Variants in TUBB8B observed in about 807,000 individuals in gnomAD.
The protein encoded by TUBB8B is HSA18p11 beta-tubulin 4Q pseudogene.
Under a neutral mutation model 31.9 loss-of-function variants are expected in TUBB8B, and 26 were observed. The observed-to-expected ratio is 0.81, with a 90% CI of 0.60 to 1.13. The LOEUF (loss-of-function observed/expected upper bound fraction) is 1.13, where lower values mean the gene tolerates loss of function less well. TUBB8B is among the 50% of genes most tolerant of loss of function. The pLI is 0.00. For missense variants in TUBB8B, 467 were observed against 586.7 expected, an observed-to-expected ratio of 0.80 and a Z score of 2.11; for synonymous variants, 173 against 231.0, an observed-to-expected ratio of 0.75 and a Z score of 2.28.
the TUBB8B span, among the ~76,000 whole-genome samples, chr18:72,009 T>C: frequency 1.3e-5 from 2 of 151,696 alleles, no homozygotes; most frequent in Non-Finnish European, 2.9e-5. Context: ...AAACCCCATC[T>C]CTACTAAAAA....
the TUBB8B span, among the ~76,000 whole-genome samples, chr18:70,589 C>G: frequency 6.6e-6 from 1 of 152,132 alleles, no homozygotes; most frequent in Admixed American, 6.5e-5. Flanking sequence ...GAGCGGAGAT[C>G]GCGCCACTAC....
At position 47,850 on chromosome 18, in the gene TUBB8B, T is replaced by C. The variant is rs1262182994; in HGVS notation, c.875A>G (p.Gln292Arg). 1.2e-6 allele frequency: 2 copies of C among 1,611,322 alleles called. No homozygotes were observed. Among genetic ancestry groups the C allele is most frequent in the Non-Finnish European group, 1.7e-6 (2 of 1,179,420 alleles). The stretch of plus-strand genomic sequence containing the variant: ...CATCATGTTCTTAGCATCAAACATC[T>C]GCTGGGTGAGCTCAGCCACAGTCAA... ...RALTVAELTQQMFDAKNMMAA... is the reference protein window; with the variant it reads ...RALTVAELTQRMFDAKNMMAA... The change falls in exon 4 of 4, where the codon CAG becomes CGG. Residue 292 changes from glutamine (Q) to arginine (R), a missense_variant. This residue lies in a region of TUBB8B where 208 missense variants were observed against 206.7 expected (regional missense o/e 1.01). Transcript: ENST00000308911.
At chr18:65,297 G>A in the TUBB8B span, among the ~76,000 whole-genome samples, 3 of 151,846 alleles carry the variant, frequency 2.0e-5, no homozygotes, top group Admixed American at 1.3e-4. Context: ...GTGAGACTCT[G>A]TCTCAAAAAA....
At chr18:52,250 G>A (rs1452638208), upstream of TUBB8B, among the ~76,000 whole-genome samples, 1 of 151,938 alleles carries the variant, frequency 6.6e-6, no homozygotes, top group Non-Finnish European at 1.5e-5. Context: ...TAAACTGTTT[G>A]GGGCCTCTTT....
chr18:70,496 C>T, the TUBB8B span, among the ~76,000 whole-genome samples: 15 of 152,044 alleles, frequency 9.9e-5, no homozygotes, highest in African/African-American at 3.6e-4. Context: ...ATTACCCAGG[C>T]ATCATGGCGC....
chr18:47,612 A>T lies in TUBB8B; in HGVS notation c.1113T>A (p.Asn371Lys), dbSNP rs1905686366. The T allele has an allele frequency of 1.9e-6, 3 of 1,612,560 alleles. No homozygotes were observed. The highest frequency in any genetic ancestry group is 2.5e-6 in the Non-Finnish European group (3 of 1,179,228). ...ATGTGAAGAGTTCCTGGATGGCCGC[A>T]TTATTCCCAATGAAGGTGGCTGACA... is the stretch of plus-strand genomic sequence containing the variant. ...LKMSATFIGNNAAIQELFTCV... is the reference protein window; with the variant it reads ...LKMSATFIGNKAAIQELFTCV... Residue 371 changes from asparagine (N) to lysine (K), a missense_variant, in exon 4 of 4, where the codon AAT becomes AAA. Around this residue, in one of 2 missense-constraint regions of TUBB8B, gnomAD observed 208 missense variants for 206.7 expected, o/e 1.01. Coordinates refer to ENST00000308911, the MANE Select transcript of TUBB8B (RefSeq NM_001358689.2).
chr18:48,594 A>G, intron 3 of TUBB8B, 147 bp from the exon 4 acceptor site: 1 of 728,056 alleles, frequency 1.4e-6, no homozygotes, highest in South Asian at 1.6e-5. Context: ...CCTCCTCCAG[A>G]GTTACAGGAC....
the TUBB8B span, among the ~76,000 whole-genome samples, chr18:72,168 A>G: frequency 7.2e-6 from 1 of 138,144 alleles, no homozygotes; most frequent in African/African-American, 2.8e-5. Flanking sequence ...ACAGAGCGAG[A>G]CTCCATCTCA....
upstream of TUBB8B, chr18:49,750 G>T (rs1211738004): frequency 4.4e-6 from 3 of 680,014 alleles, no homozygotes; most frequent in Non-Finnish European, 8.1e-6. Flanking sequence ...GGCGTTGAAC[G>T]TCTGTTGGAG....
chr18:49,723 C>G (rs1478052316), upstream of TUBB8B: 6 of 696,172 alleles, frequency 8.6e-6, no homozygotes, highest in East Asian at 1.7e-4. Flanking sequence ...ACAGGTGCAC[C>G]CACCTGTGAA....
upstream of TUBB8B, chr18:49,843 A>G (rs560942717): frequency 6.9e-6 from 4 of 577,418 alleles, no homozygotes; most frequent in East Asian, 1.8e-4. Context: ...CTTTAGTAAG[A>G]CTAGATCCCT....
the TUBB8B span, among the ~76,000 whole-genome samples, chr18:62,811 G>A: frequency 1.3e-5 from 2 of 151,682 alleles, no homozygotes; most frequent in African/African-American, 4.8e-5. Flanking sequence ...TTTAGATTCT[G>A]TAGGCATGCT....
chr18:52,884 G>GAA (rs764614133), upstream of TUBB8B, among the ~76,000 whole-genome samples: 1 of 149,686 alleles, frequency 6.7e-6, no homozygotes, highest in Non-Finnish European at 1.5e-5. Context: ...ACTATAAAGA[G>GAA]AAAGAGTTAT....
At chr18:51,969 G>A (rs11660348), upstream of TUBB8B, among the ~76,000 whole-genome samples, 104 of 148,292 alleles carry the variant, frequency 7.0e-4, no homozygotes, top group Admixed American at 1.4e-3. Context: ...ACTCTGACAG[G>A]CAAGTAGATG....
At chr18:66,007 T>A in the TUBB8B span, among the ~76,000 whole-genome samples, 1 of 152,084 alleles carries the variant, frequency 6.6e-6, no homozygotes, top group African/African-American at 2.4e-5. Flanking sequence ...GGTGGGAAGA[T>A]CTTTTGAACC....
chr18:61,731 A>G, the TUBB8B span, among the ~76,000 whole-genome samples: 3 of 151,378 alleles, frequency 2.0e-5, no homozygotes, highest in African/African-American at 7.3e-5. Flanking sequence ...CAACTAATAA[A>G]AACTCTACAC....
In TUBB8B at chr18:48,151, G is replaced by T. The variant is rs1178937583; in HGVS notation, c.574C>A (p.Leu192Ile). 6.2e-7 allele frequency: 1 copy of T among 1,614,086 alleles called. No homozygotes were observed. Among genetic ancestry groups the T allele is most frequent in the Non-Finnish European group, 8.5e-7 (1 of 1,179,904 alleles). ...AAGGTCTCATCCGCGTTTTCTATGAGCTGGTGGACTGAGAGGGTGGCGTTG... is the reference window on the plus strand; with the variant it reads ...AAGGTCTCATCCGCGTTTTCTATGATCTGGTGGACTGAGAGGGTGGCGTTG... ...PYNATLSVHQ[L>I]IENADETFCI... The change falls in exon 4 of 4, where the codon CTC becomes ATC. Residue 192 changes from leucine to isoleucine, a missense_variant. Transcript: ENST00000308911.
the TUBB8B span, among the ~76,000 whole-genome samples, chr18:58,661 C>A: frequency 6.6e-6 from 1 of 151,722 alleles, no homozygotes; most frequent in African/African-American, 2.4e-5. Context: ...TCTTCTGAAT[C>A]CTACAAACTC....
the TUBB8B span, among the ~76,000 whole-genome samples, chr18:61,961 GCTTA>G: frequency 2.0e-5 from 3 of 151,542 alleles, no homozygotes; most frequent in Non-Finnish European, 2.9e-5. Flanking sequence ...ACTTCTTATT[GCTTA>G]CTCACTTTTT....
Sources: gnomAD v4.1 joint callset for allele counts (sites outside exome capture counted in the v4.1 genomes callset) on GRCh38, gnomAD v4.1.1 for gene constraint, gnomAD v4.1.1 regional missense constraint, MANE v1.5 for transcripts, NCBI Gene and HGNC (gene_info 2026-07-23, HGNC 2026-07-21) for gene names.